The following PDE5A variants were observed in gnomAD, a reference collection of about 807,000 sequenced individuals.
The protein encoded by PDE5A is phosphodiesterase 5A, also known as cGMP-specific 3',5'-cyclic phosphodiesterase.
PDE5A carries 67 observed loss-of-function variants against 110.2 expected under a neutral mutation model. That is an observed-to-expected ratio of 0.61 (90% CI 0.50 to 0.75). PDE5A has a LOEUF of 0.75. PDE5A is among the 30% of genes least tolerant of loss of function. The probability of loss-of-function intolerance (pLI) is 0.00; values close to 1 mark genes in which losing one functional copy is unlikely to be tolerated. For missense variants in PDE5A, 862 were observed against 1,045.1 expected, an observed-to-expected ratio of 0.82 and a Z score of 2.42; for synonymous variants, 328 against 351.2, an observed-to-expected ratio of 0.93 and a Z score of 0.74.
At chr4:119,567,935 C>G (rs1421220798) in intron 3 of PDE5A, among the ~76,000 whole-genome samples, 2 of 151,738 alleles carry the variant, frequency 1.3e-5, no homozygotes, top group Non-Finnish European at 3.0e-5. Flanking sequence ...GTGGAATAAG[C>G]TATTATCCTC....
chr4:119,574,737 A>C (rs1323191032), intron 3 of PDE5A, among the ~76,000 whole-genome samples: 1 of 152,194 alleles, frequency 6.6e-6, no homozygotes, highest in Non-Finnish European at 1.5e-5. Flanking sequence ...AGAACCACTT[A>C]TGCAACATTA....
chr4:119,612,649 G>C (rs1388999877), intron 1 of PDE5A, among the ~76,000 whole-genome samples: 1 of 152,066 alleles, frequency 6.6e-6, no homozygotes, highest in African/African-American at 2.4e-5. Flanking sequence ...CCCTTATAAG[G>C]GGCCTATGGG....
chr4:119,607,022 T>G lies in PDE5A; in HGVS notation c.428A>C (p.His143Pro), dbSNP rs1273865685. 3 of 1,614,216 alleles carry G rather than the reference T, an allele frequency of 1.9e-6. No individual in the cohort carries two copies. The highest frequency in any genetic ancestry group is 2.5e-6 in the Non-Finnish European group (3 of 1,180,032). Residue 143 changes from histidine (H) to proline (P), a missense_variant, in exon 2 of 21, where the codon CAT (histidine) becomes CCT (proline). His to Pro is a moderately conservative substitution (Grantham distance 77). Coordinates refer to ENST00000354960, the MANE Select transcript of PDE5A (RefSeq NM_001083.4). Reference protein sequence around the residue: ...QMPLTPPRFDHDEGDQCSRLL... With the variant: ...QMPLTPPRFDPDEGDQCSRLL... ...TCTTGAGCACTGGTCCCCTTCATCA[T>G]GATCAAACCTTGGAGGGGTTAGAGG...
At chr4:119,516,438 G>C (rs1362559559) in intron 14 of PDE5A, among the ~76,000 whole-genome samples, 1 of 152,108 alleles carries the variant, frequency 6.6e-6, no homozygotes, top group African/African-American at 2.4e-5. Context: ...CACCAAACTT[G>C]AATCTAACCA....
chr4:119,502,527 C>T, intron 19 of PDE5A, 54 bp downstream of exon 19: 1 of 1,056,530 alleles, frequency 9.5e-7, no homozygotes, highest in Admixed American at 2.2e-5. Flanking sequence ...AAGGAGTCTA[C>T]AATTAAAAAA....
chr4:119,596,750 G>C, intron 2 of PDE5A, 138 bp from the exon 3 acceptor site: 3 of 454,292 alleles, frequency 6.6e-6, no homozygotes, highest in Non-Finnish European at 1.2e-5. Flanking sequence ...GTTGTGAAAG[G>C]CATCATCATG....
intron 2 of PDE5A, among the ~76,000 whole-genome samples, chr4:119,603,337 C>G (rs957895387): frequency 2.6e-5 from 4 of 151,966 alleles, no homozygotes; most frequent in African/African-American, 9.7e-5. Flanking sequence ...ATCCAGGACT[C>G]CAACCTGAGC....
intron 5 of PDE5A, among the ~76,000 whole-genome samples, chr4:119,564,334 T>C (rs542119088): frequency 6.6e-6 from 1 of 152,224 alleles, no homozygotes; most frequent in Non-Finnish European, 1.5e-5. Context: ...TTTTCATACA[T>C]GCAAGGACTC....
chr4:119,626,159 TAA>T lies in PDE5A; in HGVS notation c.152+2359_152+2360del, dbSNP rs150801032. 8.1e-3 allele frequency among the ~76,000 whole-genome samples: 1,240 copies of T among 152,314 alleles called. 11 individuals carry two copies. The highest frequency in any genetic ancestry group is 0.028 in the African/African-American group (1,182 of 41,558). On this transcript the variant is annotated intron_variant, in intron 1 of 20. Transcript: ENST00000354960. ...TTAAAAACTCTAACCGAAAATTTTT[TAA>T]AAGTTTTTTTAGAGCCTCAGATGAT...
chr4:119,580,587 T>C (rs1320437140), intron 3 of PDE5A, among the ~76,000 whole-genome samples: 1 of 152,186 alleles, frequency 6.6e-6, no homozygotes, highest in Non-Finnish European at 1.5e-5. Flanking sequence ...CAGTAGGCAC[T>C]GTCACATTCC....
At chr4:119,522,657 A>G (rs1364670659) in intron 12 of PDE5A, among the ~76,000 whole-genome samples, 2 of 152,070 alleles carry the variant, frequency 1.3e-5, no homozygotes, top group Admixed American at 1.3e-4. Flanking sequence ...ATTAAGACGG[A>G]CCTAATAGAA....
chr4:119,556,406 A>AAGGGCC (rs1447758910), intron 7 of PDE5A, among the ~76,000 whole-genome samples: 4 of 152,174 alleles, frequency 2.6e-5, no homozygotes, highest in Non-Finnish European at 4.4e-5. Flanking sequence ...CCCTGAAGGA[A>AAGGGCC]AGGGCCATAT....
chr4:119,540,000 C>A (rs1407481698), intron 10 of PDE5A, among the ~76,000 whole-genome samples: 1 of 151,996 alleles, frequency 6.6e-6, no homozygotes, highest in East Asian at 1.9e-4. Flanking sequence ...AAATACAAAA[C>A]ACTTCTGGTC....
In PDE5A at chr4:119,495,797, G is replaced by A. The variant is rs1410386454; in HGVS notation, c.*2804C>T. ...TCACATTCACTAGTGATCTGCAAGT[G>A]AAGCTGAATAAATATATTCTCTTTG... On this transcript the variant is annotated 3_prime_UTR_variant, in exon 21 of 21. Coordinates refer to ENST00000354960, the MANE Select transcript of PDE5A (RefSeq NM_001083.4). 6.6e-6 allele frequency: 1 copy of A among 152,126 alleles called. No homozygotes were observed. Among genetic ancestry groups the A allele is most frequent in the Non-Finnish European group, 1.5e-5 (1 of 68,032 alleles). The allele number at this position is 152,126 out of a possible 1,614,324, so 9.4% of individuals were successfully genotyped here.
intron 3 of PDE5A, among the ~76,000 whole-genome samples, chr4:119,567,435 G>C (rs1051198479): frequency 1.3e-5 from 2 of 152,112 alleles, no homozygotes; most frequent in African/African-American, 2.4e-5. Context: ...CACATTTTAA[G>C]TATATATTTT....
chr4:119,606,693 A>T lies in PDE5A; in HGVS notation c.741+16T>A. On this transcript the variant is annotated intron_variant, in intron 2 of 20. Transcript: ENST00000354960. ...CCTCCCCAGCACTGGTCCTGCTCTC[A>T]TGCTCCCCTGTTTACCTCATATGCA... 1.3e-6 allele frequency: 2 copies of T among 1,597,092 alleles called. No individual in the cohort carries two copies. The highest frequency in any genetic ancestry group is 1.7e-6 in the Non-Finnish European group (2 of 1,165,802).
In PDE5A at chr4:119,545,532, T is replaced by C. The variant is rs186730941; in HGVS notation, c.1397-2898A>G. Among the ~76,000 whole-genome samples the C allele has an allele frequency of 1.2e-3, 183 of 152,246 alleles. 1 individual carries two copies. Among genetic ancestry groups the C allele is most frequent in the African/African-American group, 4.0e-3 (168 of 41,542 alleles). On this transcript the variant is annotated intron_variant, in intron 9 of 20. Coordinates refer to ENST00000354960, the MANE Select transcript of PDE5A (RefSeq NM_001083.4). The stretch of plus-strand genomic sequence containing the variant: ...AAAATGTATTGGGGGAACCAAGAAG[T>C]AGTGAAGTTAGCAAACTATCAGTGT...
chr4:119,550,767 G>A (rs1356514243), intron 9 of PDE5A, among the ~76,000 whole-genome samples: 2 of 152,122 alleles, frequency 1.3e-5, no homozygotes, highest in African/African-American at 4.8e-5. Flanking sequence ...GCCAAAGACA[G>A]CTTGTAGTAA....
intron 18 of PDE5A, among the ~76,000 whole-genome samples, chr4:119,503,098 G>A (rs934464621): frequency 6.6e-6 from 1 of 152,198 alleles, no homozygotes; most frequent in African/African-American, 2.4e-5. Context: ...TGCTTATGGC[G>A]TGTTGGCTTT....
Sources: gnomAD v4.1 joint callset for allele counts (sites outside exome capture counted in the v4.1 genomes callset) on GRCh38, gnomAD v4.1.1 for gene constraint, MANE v1.5 for transcripts, NCBI Gene and HGNC (gene_info 2026-07-23, HGNC 2026-07-21) for gene names.